Variants in USP44 observed in about 807,000 individuals in gnomAD.
USP44 encodes the protein ubiquitin specific peptidase 44.
A neutral mutation model predicts 69.0 loss-of-function variants in USP44; 61 were observed. The ratio of observed to expected loss-of-function variants is 0.88; its 90% CI spans 0.72 to 1.09. The LOEUF (loss-of-function observed/expected upper bound fraction) is 1.09. USP44 is among the 50% of genes least tolerant of loss of function. The probability of loss-of-function intolerance (pLI) is 0.00; values close to 1 mark genes in which losing one functional copy is unlikely to be tolerated. For synonymous variants in USP44, 297 were observed against 295.4 expected, an observed-to-expected ratio of 1.01 and a Z score of -0.06; for missense variants, 753 against 849.9, an observed-to-expected ratio of 0.89 and a Z score of 1.42.
At chr12:95,544,571 TC>T (rs1226911625) in intron 1 of USP44, among the ~76,000 whole-genome samples, 4 of 152,072 alleles carry the variant, frequency 2.6e-5, no homozygotes, top group Admixed American at 2.0e-4. Context: ...TCAGATCCCT[TC>T]TTTAAAAAAA....
rs558432502 is a variant in USP44 at position 95,533,144 on chromosome 12, T to G, written c.1113A>C (p.Pro371=). The G allele has an allele frequency of 1.2e-6, 2 of 1,614,240 alleles. No individual in the cohort carries two copies. Among genetic ancestry groups the G allele is most frequent in the African/African-American group, 2.7e-5 (2 of 75,058 alleles). Residue 371 remains proline, a synonymous_variant, in exon 2 of 6, where the codon CCA becomes CCC. Transcript: ENST00000258499. Reference sequence around the variant, plus strand: ...AAATGTACTGTGAAGTTGGCTCCTTTGGCTGAATAAGTTCCATCTTTCTAC... The same window carrying G: ...AAATGTACTGTGAAGTTGGCTCCTTGGGCTGAATAAGTTCCATCTTTCTAC... ...SKGRKMELIQ[P]KEPTSQYISL... is the part of the protein sequence containing the mutation.
At chr12:95,542,881 G>A (rs2077435705) in intron 1 of USP44, among the ~76,000 whole-genome samples, 1 of 151,770 alleles carries the variant, frequency 6.6e-6, no homozygotes, top group African/African-American at 2.4e-5. Context: ...GAGGTCAGGA[G>A]ATTGAGACCA....
At chr12:95,522,891 A>G (rs1176456652) in intron 4 of USP44, among the ~76,000 whole-genome samples, 2 of 151,970 alleles carry the variant, frequency 1.3e-5, no homozygotes, top group African/African-American at 4.8e-5. Flanking sequence ...AGACCCGGGA[A>G]TGACTAGAGG....
Position 95,532,856 on chromosome 12 carries a change from G to A in USP44, c.1401C>T (p.Asn467=). Reference sequence around the variant, plus strand: ...GACTAAGAAGTTGTCCATGAAAAATGTTATTTACAACATTCAGAACTTGTT... The same window carrying A: ...GACTAAGAAGTTGTCCATGAAAAATATTATTTACAACATTCAGAACTTGTT... ...LIKQVLNVVN[N]IFHGQLLSQV... The change falls in exon 2 of 6, where the codon AAC becomes AAT. Residue 467 remains asparagine, a synonymous_variant. Coordinates refer to ENST00000258499, the MANE Select transcript of USP44 (RefSeq NM_032147.5). 6.3e-7 allele frequency: 1 copy of A among 1,588,186 alleles called. No individual in the cohort carries two copies. The highest frequency in any genetic ancestry group is 8.5e-7 in the Non-Finnish European group (1 of 1,170,252).
intron 1 of USP44, among the ~76,000 whole-genome samples, chr12:95,544,543 TA>T (rs2077511179): frequency 6.6e-6 from 1 of 152,146 alleles, no homozygotes; most frequent in Admixed American, 6.6e-5. Flanking sequence ...CTAATTGGCG[TA>T]ATCAGTAGCT....
At chr12:95,532,090 T>A (rs1242845443) in intron 2 of USP44, among the ~76,000 whole-genome samples, 1 of 152,118 alleles carries the variant, frequency 6.6e-6, no homozygotes, top group African/African-American at 2.4e-5. Context: ...ACCCTTTGAT[T>A]TTATAGGAAG....
rs575808033 is a variant in USP44, at chr12:95,517,213, A to G, written c.*941T>C. ...AGTTATTTAGAATGAGATGCTAGAC[A>G]TAATAATAGTCCAGTTGCCAATTTT... is the stretch of plus-strand genomic sequence containing the variant. On this transcript the variant is annotated 3_prime_UTR_variant, in exon 6 of 6. Coordinates refer to ENST00000258499, the MANE Select transcript of USP44 (RefSeq NM_032147.5). 6.6e-6 allele frequency: 1 copy of G among 152,032 alleles called. No homozygotes were observed. The highest frequency in any genetic ancestry group is 1.5e-5 in the Non-Finnish European group (1 of 67,994). The allele number at this position is 152,032 out of a possible 1,614,324, so 9.4% of individuals were successfully genotyped here. A position where few individuals can be genotyped will look rare whatever the true frequency, so the allele number is the denominator to read the frequency against.
Position 95,533,801 on chromosome 12 carries a change from G to A in USP44, c.456C>T (p.His152=), listed in dbSNP as rs1403124324. 2.5e-6 allele frequency: 4 copies of A among 1,613,878 alleles called. No homozygotes were observed. The African/African-American group carries it at 5.3e-5, about 22-fold the overall frequency. ...TTTTACCCATTAGTATCCTTCTCCTGTGCCAAAGAGCAGTATACAGTTGAT... is the reference window on the plus strand; with the variant it reads ...TTTTACCCATTAGTATCCTTCTCCTATGCCAAAGAGCAGTATACAGTTGAT... ...SEDQLYTALW[H]RRRILMGKIF... The change falls in exon 2 of 6, where the codon CAC becomes CAT. Residue 152 remains histidine (H), a synonymous_variant. Coordinates refer to ENST00000258499, the MANE Select transcript of USP44 (RefSeq NM_032147.5).
intron 3 of USP44, among the ~76,000 whole-genome samples, chr12:95,528,281 A>G (rs1029133492): frequency 6.6e-6 from 1 of 152,110 alleles, no homozygotes; most frequent in African/African-American, 2.4e-5. Flanking sequence ...ACAGTATCTC[A>G]CCTCTATCTA....
chr12:95,517,910 A>C lies in USP44; in HGVS notation c.*244T>G, dbSNP rs1032609408. ...TCATCCGAGCCAATTAAGACATAAAAATATAAAAGAGGTAACATCAGTCTG... is the reference window on the plus strand; with the variant it reads ...TCATCCGAGCCAATTAAGACATAAACATATAAAAGAGGTAACATCAGTCTG... On this transcript the variant is annotated 3_prime_UTR_variant, in exon 6 of 6. Coordinates refer to ENST00000258499, the MANE Select transcript of USP44 (RefSeq NM_032147.5). The C allele has an allele frequency of 3.0e-6, 1 of 333,108 alleles. No individual in the cohort carries two copies. The highest frequency in any genetic ancestry group is 5.4e-6 in the Non-Finnish European group (1 of 184,120). 20.6% of individuals were successfully genotyped at this position (333,108 alleles called of 1,614,324 possible). A position where few individuals can be genotyped will look rare whatever the true frequency, so the allele number is the denominator to read the frequency against.
intron 1 of USP44, among the ~76,000 whole-genome samples, chr12:95,550,201 A>AG (rs1224376911): frequency 6.6e-6 from 1 of 151,952 alleles, no homozygotes; most frequent in Non-Finnish European, 1.5e-5. Flanking sequence ...AAAAAAAAAA[A>AG]AAAATCTGAT....
chr12:95,542,859 C>A (rs1403694255), intron 1 of USP44, among the ~76,000 whole-genome samples: 1 of 151,732 alleles, frequency 6.6e-6, no homozygotes, highest in Non-Finnish European at 1.5e-5. Flanking sequence ...GAGGCTGAGG[C>A]AGGTGGATCA....
In USP44 at chr12:95,518,237, T is replaced by C; in HGVS notation, c.2056A>G (p.Lys686Glu). 3 of 1,614,220 alleles carry C rather than the reference T, an allele frequency of 1.9e-6. No individual in the cohort carries two copies. Among genetic ancestry groups the C allele is most frequent in the Non-Finnish European group, 2.5e-6 (3 of 1,180,040 alleles). Residue 686 changes from lysine to glutamate, a missense_variant, in exon 6 of 6, where the codon AAA becomes GAA. Lys to Glu is a moderately conservative substitution (Grantham distance 56). Coordinates refer to ENST00000258499, the MANE Select transcript of USP44 (RefSeq NM_032147.5). ...AACAGGAGCTCTGGAGGCAAAAGTT[T>C]AGAATGTCCATTCTCAGTAACTCGT... ...TQRVTENGHS[K>E]LLPPELLLGS...
chr12:95,524,474 G>A (rs2076769006), intron 4 of USP44: 1 of 385,812 alleles, frequency 2.6e-6, no homozygotes. Flanking sequence ...GCCAGCCTAG[G>A]TGACAGAGTG....
chr12:95,530,475 GA>G (rs946574847), intron 2 of USP44, among the ~76,000 whole-genome samples: 2 of 151,826 alleles, frequency 1.3e-5, no homozygotes, highest in African/African-American at 4.8e-5. Flanking sequence ...ATAAAAAATA[GA>G]AAGGAAAAGC....
intron 5 of USP44, 63 bp from the exon 6 acceptor site, chr12:95,518,416 T>C: frequency 1.3e-6 from 2 of 1,519,620 alleles, no homozygotes; most frequent in Non-Finnish European, 1.8e-6. Flanking sequence ...ATGAAAGGCA[T>C]TGAGTGAGAA....
intron 1 of USP44, among the ~76,000 whole-genome samples, chr12:95,536,554 A>ACT (rs2077211502): frequency 6.6e-6 from 1 of 151,152 alleles, no homozygotes; most frequent in Non-Finnish European, 1.5e-5. Flanking sequence ...GTCATCCTTG[A>ACT]CTCTCTCTCT....
At chr12:95,519,821 C>T (rs1373495974) in intron 5 of USP44, among the ~76,000 whole-genome samples, 11 of 150,814 alleles carry the variant, frequency 7.3e-5, no homozygotes, top group Admixed American at 1.3e-4. Context: ...TGACAGATCA[C>T]TTAAGGCCAG....
chr12:95,518,586 CT>C (rs1675331336), intron 5 of USP44, among the ~76,000 whole-genome samples: 1 of 152,100 alleles, frequency 6.6e-6, no homozygotes, highest in South Asian at 2.1e-4. Flanking sequence ...ACTATTTATT[CT>C]TTGTGTAAAT....
Sources: gnomAD v4.1 joint callset for allele counts (sites outside exome capture counted in the v4.1 genomes callset) on GRCh38, gnomAD v4.1.1 for gene constraint, MANE v1.5 for transcripts, NCBI Gene and HGNC (gene_info 2026-07-23, HGNC 2026-07-21) for gene names.